LYPLAL1: variants seen among roughly 807,000 people sequenced by gnomAD.
LYPLAL1 encodes lysophospholipase like 1.
A neutral mutation model predicts 19.7 loss-of-function variants in LYPLAL1; 23 were observed. The ratio of observed to expected loss-of-function variants is 1.17; its 90% CI spans 0.84 to 1.65. The LOEUF (loss-of-function observed/expected upper bound fraction) is 1.65. LYPLAL1 is among the 40% of genes most tolerant of loss of function. The probability of loss-of-function intolerance (pLI) is 0.00; values close to 1 mark genes in which losing one functional copy is unlikely to be tolerated. For synonymous variants in LYPLAL1, 119 were observed against 96.3 expected (o/e 1.24, Z -1.38); for missense variants, 355 against 279.4 (o/e 1.27, Z -1.93).
chr1:219,277,602 T>G, the LYPLAL1 span, among the ~76,000 whole-genome samples: 6 of 152,198 alleles, frequency 3.9e-5, no homozygotes, highest in Non-Finnish European at 5.9e-5. Flanking sequence ...GATCAGAAGC[T>G]GGAAAACAAC....
the LYPLAL1 span, among the ~76,000 whole-genome samples, chr1:219,273,683 G>A: frequency 6.6e-6 from 1 of 152,124 alleles, no homozygotes; most frequent in Non-Finnish European, 1.5e-5. Flanking sequence ...CTTCTCAAAA[G>A]GAATTGTTTC....
the LYPLAL1 span, among the ~76,000 whole-genome samples, chr1:219,247,373 TCTTTA>T: frequency 6.6e-6 from 1 of 152,226 alleles, no homozygotes; most frequent in Non-Finnish European, 1.5e-5. Flanking sequence ...TTCATAAGTT[TCTTTA>T]CTTGAGAAAG....
the LYPLAL1 span, among the ~76,000 whole-genome samples, chr1:219,346,415 G>C: frequency 2.0e-5 from 3 of 150,740 alleles, no homozygotes; most frequent in Non-Finnish European, 4.4e-5. Flanking sequence ...ACTCAGATAA[G>C]ACAAACATAA....
chr1:219,390,833 T>C, the LYPLAL1 span, among the ~76,000 whole-genome samples: 1 of 152,212 alleles, frequency 6.6e-6, no homozygotes, highest in African/African-American at 2.4e-5. Context: ...GGCAACTTCA[T>C]TGGCATTTTG....
the LYPLAL1 span, among the ~76,000 whole-genome samples, chr1:219,314,505 C>T: frequency 1.3e-5 from 2 of 152,086 alleles, no homozygotes; most frequent in Middle Eastern, 6.8e-3. Flanking sequence ...AGTGCAGTGG[C>T]GCAATCTCGG....
the LYPLAL1 span, among the ~76,000 whole-genome samples, chr1:219,243,734 A>G: frequency 1.3e-5 from 2 of 152,076 alleles, no homozygotes; most frequent in African/African-American, 4.8e-5. Flanking sequence ...AGCCTGGCCA[A>G]CATGAAAACC....
At chr1:219,420,548 C>A in the LYPLAL1 span, among the ~76,000 whole-genome samples, 1 of 152,258 alleles carries the variant, frequency 6.6e-6, no homozygotes, top group Admixed American at 6.5e-5. Flanking sequence ...TAGTTCAGAG[C>A]AGCTCATACA....
chr1:219,420,140 G>T, the LYPLAL1 span, among the ~76,000 whole-genome samples: 1 of 152,196 alleles, frequency 6.6e-6, no homozygotes, highest in Non-Finnish European at 1.5e-5. Context: ...CTGAGGAAAG[G>T]AATTGACTTG....
the LYPLAL1 span, among the ~76,000 whole-genome samples, chr1:219,413,828 C>T: frequency 6.6e-6 from 1 of 152,230 alleles, no homozygotes; most frequent in Admixed American, 6.5e-5. Context: ...CCTGTTCTCA[C>T]AAGCCCACAA....
the LYPLAL1 span, among the ~76,000 whole-genome samples, chr1:219,236,320 T>A: frequency 2.0e-5 from 3 of 152,244 alleles, no homozygotes; most frequent in Admixed American, 2.0e-4. Context: ...AGTGTAATAT[T>A]AAGTGTCATG....
At chr1:219,279,387 A>G in the LYPLAL1 span, among the ~76,000 whole-genome samples, 4 of 152,294 alleles carry the variant, frequency 2.6e-5, no homozygotes, top group South Asian at 8.3e-4. Context: ...AGGTGTGGCA[A>G]TTTCCCCCAG....
chr1:219,346,345 A>T, the LYPLAL1 span, among the ~76,000 whole-genome samples: 19 of 152,136 alleles, frequency 1.2e-4, no homozygotes, highest in African/African-American at 4.6e-4. Flanking sequence ...ACAAGTAAGG[A>T]AGAGGAGTGT....
At chr1:219,292,722 C>A in the LYPLAL1 span, among the ~76,000 whole-genome samples, 4 of 152,160 alleles carry the variant, frequency 2.6e-5, no homozygotes, top group Non-Finnish European at 4.4e-5. Context: ...CACAGGGGTA[C>A]AATGTCAAGT....
chr1:219,397,370 G>A, the LYPLAL1 span, among the ~76,000 whole-genome samples: 11 of 152,148 alleles, frequency 7.2e-5, no homozygotes, highest in Non-Finnish European at 1.5e-5. Flanking sequence ...TTGGCCTGAA[G>A]GTTTCTTTTT....
At chr1:219,264,095 A>G in the LYPLAL1 span, among the ~76,000 whole-genome samples, 7 of 152,078 alleles carry the variant, frequency 4.6e-5, no homozygotes, top group Non-Finnish European at 8.8e-5. Flanking sequence ...TCCAATTTTT[A>G]TTTTTTAAAA....
chr1:219,306,437 A>G, the LYPLAL1 span, among the ~76,000 whole-genome samples: 1 of 152,208 alleles, frequency 6.6e-6, no homozygotes, highest in Admixed American at 6.5e-5. Context: ...GCACACTGCC[A>G]TCCCTAATTT....
the LYPLAL1 span, among the ~76,000 whole-genome samples, chr1:219,332,101 A>G: frequency 6.6e-6 from 1 of 152,160 alleles, no homozygotes; most frequent in Non-Finnish European, 1.5e-5. Flanking sequence ...GTCATTTCAC[A>G]CTTAGACTTT....
chr1:219,436,035 A>G, the LYPLAL1 span, among the ~76,000 whole-genome samples: 1 of 152,166 alleles, frequency 6.6e-6, no homozygotes, highest in African/African-American at 2.4e-5. Context: ...TCCTATTACA[A>G]GAAGCTTCAC....
chr1:219,425,795 A>G, the LYPLAL1 span, among the ~76,000 whole-genome samples: 1,857 of 152,318 alleles, frequency 0.012, 19 homozygotes, highest in South Asian at 0.035. Context: ...CAAAGATACC[A>G]TATTCTATCT....
Sources: allele counts gnomAD v4.1 joint callset (sites outside exome capture counted in the v4.1 genomes callset), GRCh38; gene constraint gnomAD v4.1.1; transcripts MANE v1.5; gene names NCBI Gene and HGNC (gene_info 2026-07-23, HGNC 2026-07-21).